KIF5A: variants seen among roughly 807,000 people sequenced by gnomAD.
KIF5A encodes the protein kinesin family member 5A, also known as kinesin heavy chain isoform 5A.
Under a neutral mutation model 141.3 loss-of-function variants are expected in KIF5A, and 35 were observed. That is an observed-to-expected ratio of 0.25 (90% CI 0.19 to 0.33). The LOEUF is 0.33. Ranked by LOEUF, KIF5A falls within the 10% of genes least tolerant of loss-of-function variation. KIF5A has a pLI of 1.00. For missense variants in KIF5A, 861 were observed against 1,314.3 expected, an observed-to-expected ratio of 0.66 and a Z score of 5.33; for synonymous variants, 448 against 500.2, an observed-to-expected ratio of 0.90 and a Z score of 1.39.
chr12:57,568,078 T>C (rs1882123999), intron 8 of KIF5A, among the ~76,000 whole-genome samples: 1 of 152,086 alleles, frequency 6.6e-6, no homozygotes, highest in Admixed American at 6.5e-5. Flanking sequence ...AGACGGGGTT[T>C]CACCATGTTG....
At chr12:57,553,753 G>C (rs959753061) in intron 1 of KIF5A, among the ~76,000 whole-genome samples, 2 of 152,142 alleles carry the variant, frequency 1.3e-5, no homozygotes, top group Non-Finnish European at 2.9e-5. Flanking sequence ...AAATGGAAGA[G>C]GAGACACCAG....
intron 1 of KIF5A, among the ~76,000 whole-genome samples, chr12:57,551,872 GTCTC>G (rs57562029): frequency 0.07 from 10,215 of 145,690 alleles, 436 homozygotes; most frequent in African/African-American, 0.12. Context: ...GATGCTTTTG[GTCTC>G]TCTCTCTCTC....
At chr12:57,579,865 G>A (rs762787706) in intron 23 of KIF5A, among the ~76,000 whole-genome samples, 16 of 151,996 alleles carry the variant, frequency 1.1e-4, no homozygotes, top group East Asian at 3.9e-4. Context: ...TTCCTTTATC[G>A]TCACTGAAGC....
At position 57,564,918 on chromosome 12, in the gene KIF5A, T is replaced by G; in HGVS notation, c.446T>G (p.Val149Gly). 6.2e-7 allele frequency: 1 copy of G among 1,614,184 alleles called. No individual in the cohort carries two copies. Among genetic ancestry groups the G allele is most frequent in the African/African-American group, 1.3e-5 (1 of 75,038 alleles). The change falls in exon 6 of 29, where the codon GTG becomes GGG. Residue 149 changes from valine (V) to glycine (G), a missense_variant and splice_region_variant. Physicochemically the swap from Val to Gly is moderately radical, Grantham distance 109. Coordinates refer to ENST00000455537, the MANE Select transcript of KIF5A (RefSeq NM_004984.4). ...YLDKIRDLLD[V>G]TKTNLSVHED... ...CTTACCCTGCATTCTTTTGATTCAG[T>G]GACCAAGACAAATCTGTCCGTGCAC...
intron 11 of KIF5A, 148 bp downstream of exon 11, chr12:57,569,831 G>A: frequency 7.2e-7 from 1 of 1,388,048 alleles, no homozygotes; most frequent in Non-Finnish European, 9.8e-7. Flanking sequence ...GCAGTCATGG[G>A]GGAAGGGAGG....
chr12:57,551,002 G>C (rs1276066566), intron 1 of KIF5A, among the ~76,000 whole-genome samples: 1 of 152,076 alleles, frequency 6.6e-6, no homozygotes, highest in Non-Finnish European at 1.5e-5. Context: ...ATCTTGGGGG[G>C]AGCCTCTGGA....
At chr12:57,584,195 C>A (rs1301333263) in intron 28 of KIF5A, 23 bp from the exon 29 acceptor site, 1 of 152,512 alleles carries the variant, frequency 6.6e-6, no homozygotes, top group African/African-American at 2.4e-5. Context: ...GGCCCTCACA[C>A]CCTCTTTCTC....
At chr12:57,566,492 C>G (rs1329665709) in intron 6 of KIF5A, among the ~76,000 whole-genome samples, 2 of 151,710 alleles carry the variant, frequency 1.3e-5, no homozygotes, top group African/African-American at 4.8e-5. Context: ...CTTACTGCAA[C>G]CTCAGCCTCC....
At chr12:57,566,859 G>C (rs1025369969) in intron 6 of KIF5A, among the ~76,000 whole-genome samples, 5 of 151,692 alleles carry the variant, frequency 3.3e-5, no homozygotes, top group Non-Finnish European at 4.4e-5. Context: ...GACCAACATG[G>C]TGAAACCCCG....
chr12:57,557,511 C>T (rs1023417888), intron 1 of KIF5A, among the ~76,000 whole-genome samples: 2 of 151,806 alleles, frequency 1.3e-5, no homozygotes, highest in Non-Finnish European at 2.9e-5. Context: ...ATCTTACCAC[C>T]CCAAAGAAGC....
intron 6 of KIF5A, 47 bp from the exon 7 acceptor site, chr12:57,567,079 A>G: frequency 8.9e-7 from 1 of 1,121,336 alleles, no homozygotes. Flanking sequence ...ATAAATACAA[A>G]CTTAAAAAAC....
chr12:57,565,040 A>C, intron 6 of KIF5A, 67 bp downstream of exon 6: 1 of 1,439,836 alleles, frequency 6.9e-7, no homozygotes, highest in Non-Finnish European at 9.8e-7. Flanking sequence ...GGAGGAGCAT[A>C]GGTCAGTGAC....
rs1297158370 is a variant in KIF5A, at chr12:57,584,437, A to G, written c.*256A>G. The G allele has an allele frequency of 6.6e-6, 1 of 152,594 alleles. No homozygotes were observed. Among genetic ancestry groups the G allele is most frequent in the East Asian group, 1.9e-4 (1 of 5,196 alleles). The allele number at this position is 152,594 out of a possible 1,614,324, so 9.5% of individuals were successfully genotyped here. On this transcript the variant is annotated 3_prime_UTR_variant, in exon 29 of 29. Coordinates refer to ENST00000455537, the MANE Select transcript of KIF5A (RefSeq NM_004984.4). ...TCTACTGATGTATTTAGCAATTTCA[A>G]AGCATAGTCTACCTTCCTTATTTGG...
chr12:57,573,163 C>T (rs1882308604), intron 15 of KIF5A, among the ~76,000 whole-genome samples: 1 of 152,174 alleles, frequency 6.6e-6, no homozygotes, highest in Admixed American at 6.5e-5. Flanking sequence ...TGCACTCTAG[C>T]CTGGGTTATA....
rs765120107 is a variant in KIF5A at position 57,567,078 on chromosome 12, A to G, written c.502-48A>G. ...TAATAAAAATAAATAAATAAATACAAACTTAAAAAACAAAGCTTATGGGTC... is the reference window on the plus strand; with the variant it reads ...TAATAAAAATAAATAAATAAATACAGACTTAAAAAACAAAGCTTATGGGTC... On this transcript the variant is annotated intron_variant, in intron 6 of 28. Transcript: ENST00000455537. 8.1e-6 allele frequency: 9 copies of G among 1,110,088 alleles called. No individual in the cohort carries two copies. In the East Asian group the frequency reaches 2.0e-4, roughly 25 times the overall value. 68.8% of individuals were successfully genotyped at this position (1,110,088 alleles called of 1,614,324 possible). A position where few individuals can be genotyped will look rare whatever the true frequency, so the allele number is the denominator to read the frequency against.
At chr12:57,577,455 C>T (rs1882462079) in intron 20 of KIF5A, among the ~76,000 whole-genome samples, 1 of 151,972 alleles carries the variant, frequency 6.6e-6, no homozygotes, top group Non-Finnish European at 1.5e-5. Flanking sequence ...ATTAGCTGGG[C>T]ATGGTGGCAT....
intron 15 of KIF5A, 96 bp from the exon 16 acceptor site, chr12:57,574,988 C>T (rs1435422023): frequency 2.8e-5 from 30 of 1,075,166 alleles, no homozygotes; most frequent in Admixed American, 3.6e-5. Context: ...TGAGTCCCTG[C>T]GTATGTGGGT....
At chr12:57,554,767 G>GGCGAGAGAGGGAAAAAGAGGGAGA (rs1252911213) in intron 1 of KIF5A, among the ~76,000 whole-genome samples, 1 of 152,158 alleles carries the variant, frequency 6.6e-6, no homozygotes, top group Non-Finnish European at 1.5e-5. Flanking sequence ...GGAATCACAT[G>GGCGAGAGAGGGAAAAAGAGGGAGA]GCGAGAGAGG....
chr12:57,576,486 C>T (rs1262486023), intron 19 of KIF5A, 108 bp downstream of exon 19: 1 of 874,818 alleles, frequency 1.1e-6, no homozygotes, highest in African/African-American at 1.6e-5. Flanking sequence ...TGTGTCATTC[C>T]CTCAACAATG....
Sources: allele counts gnomAD v4.1 joint callset (sites outside exome capture counted in the v4.1 genomes callset), GRCh38; gene constraint gnomAD v4.1.1; transcripts MANE v1.5; gene names NCBI Gene and HGNC (gene_info 2026-07-23, HGNC 2026-07-21).